Variants in NEMP1 observed in about 807,000 individuals in gnomAD.
NEMP1 encodes nuclear envelope integral membrane protein 1.
A neutral mutation model predicts 53.7 loss-of-function variants in NEMP1; 29 were observed. The observed-to-expected ratio is 0.54, with a 90% confidence interval of 0.40 to 0.74. The LOEUF is 0.74. Ranked by LOEUF, NEMP1 falls within the 30% of genes least tolerant of loss-of-function variation. NEMP1 has a pLI of 0.00. For synonymous variants in NEMP1, 193 were observed against 192.9 expected, an observed-to-expected ratio of 1.00 and a Z score of 0.00; for missense variants, 477 against 528.6, an observed-to-expected ratio of 0.90 and a Z score of 0.96.
At position 57,078,679 on chromosome 12, in the gene NEMP1, C is replaced by A; in HGVS notation, c.67G>T (p.Gly23Trp). The A allele has an allele frequency of 1.2e-6, 2 of 1,613,646 alleles. No individual in the cohort carries two copies. Among genetic ancestry groups the A allele is most frequent in the Non-Finnish European group, 1.7e-6 (2 of 1,179,794 alleles). Residue 23 changes from glycine (G) to tryptophan (W), a missense_variant, in exon 1 of 9, where the codon GGG becomes TGG. Gly to Trp is a radical substitution (Grantham distance 184, BLOSUM62 -2). Transcript: ENST00000300128. ...VGPGPWGSGVGGGGTVRLLLI... is the reference protein window; with the variant it reads ...VGPGPWGSGVWGGGTVRLLLI... ...AGTAGCCGCACTGTCCCACCGCCCC[C>A]GACTCCCGAGCCCCAGGGCCCGGGA...
upstream of NEMP1, among the ~76,000 whole-genome samples, chr12:57,080,511 G>T (rs999962806): frequency 2.0e-5 from 3 of 151,066 alleles, no homozygotes; most frequent in Middle Eastern, 3.4e-3. Context: ...CCCAGGAGGC[G>T]GAGGCTGCAG....
At position 57,069,261 on chromosome 12, in the gene NEMP1, A is replaced by T. The variant is rs1258837506; in HGVS notation, c.518T>A (p.Leu173Gln). The T allele has an allele frequency of 6.5e-7, 1 of 1,547,464 alleles. No homozygotes were observed. The highest frequency in any genetic ancestry group is 1.2e-5 in the South Asian group (1 of 82,804). Reference protein sequence around the residue: ...LFLVFLLGLMLFFCGDLLSRS... With the variant: ...LFLVFLLGLMQFFCGDLLSRS... ...GCTCAGCAAGTCTCCACAAAAAAAT[A>T]GCATAAGTCCAAGAAGGAAAACAAG... Residue 173 changes from leucine (L) to glutamine (Q), a missense_variant, in exon 4 of 9, where the codon CTA (leucine) becomes CAA (glutamine). Coordinates refer to ENST00000300128, the MANE Select transcript of NEMP1 (RefSeq NM_001130963.2).
intron 1 of NEMP1, among the ~76,000 whole-genome samples, chr12:57,085,405 G>A (rs1481812784): frequency 6.6e-6 from 1 of 151,908 alleles, no homozygotes; most frequent in East Asian, 1.9e-4. Flanking sequence ...CTAAACCAAG[G>A]CCCCTCACAA....
chr12:57,073,976 AT>A (rs371901050), intron 1 of NEMP1, among the ~76,000 whole-genome samples: 6 of 148,516 alleles, frequency 4.0e-5, no homozygotes, highest in Admixed American at 6.7e-5. Context: ...TTATTTTTTT[AT>A]TTTTTTTTTG....
intron 1 of NEMP1, among the ~76,000 whole-genome samples, chr12:57,076,902 T>A (rs1433451765): frequency 7.3e-6 from 1 of 136,458 alleles, no homozygotes; most frequent in South Asian, 2.6e-4. Flanking sequence ...GGAACCGAGA[T>A]TGCACCACTG....
At chr12:57,060,493 A>C (rs2031746484) in intron 8 of NEMP1, among the ~76,000 whole-genome samples, 1 of 152,190 alleles carries the variant, frequency 6.6e-6, no homozygotes, top group African/African-American at 2.4e-5. Flanking sequence ...GGGGAACCCT[A>C]CCAACTCAGA....
Position 57,064,733 on chromosome 12 carries a change from T to A in NEMP1, c.552A>T (p.Gln184His), listed in dbSNP as rs2031989758. The A allele has an allele frequency of 1.9e-6, 3 of 1,611,310 alleles. No individual in the cohort carries two copies. In the African/African-American group the frequency reaches 4.0e-5, roughly 22 times the overall value. The change falls in exon 5 of 9, where the codon CAA (glutamine) becomes CAT (histidine). Residue 184 changes from glutamine to histidine, a missense_variant. Physicochemically the swap from Gln to His is conservative, Grantham distance 24. Coordinates refer to ENST00000300128, the MANE Select transcript of NEMP1 (RefSeq NM_001130963.2). ...TCATCCCAGTAGAGTAGTAGAAAAT[T>A]TGACTTCTGCAGGAAAAAAATGTAT... The part of the protein sequence containing the change: ...FFCGDLLSRS[Q>H]IFYYSTGMTV...
intron 6 of NEMP1, 33 bp downstream of exon 6, chr12:57,064,038 G>T: frequency 1.5e-6 from 2 of 1,346,120 alleles, no homozygotes; most frequent in Non-Finnish European, 2.1e-6. Context: ...GCCTATAAAC[G>T]TACAAAAGGA....
chr12:57,079,688 C>G (rs141079561), upstream of NEMP1, among the ~76,000 whole-genome samples: 22 of 152,210 alleles, frequency 1.4e-4, no homozygotes, highest in East Asian at 3.7e-3. Context: ...AGGAAAACTA[C>G]AGATGATAGA....
At chr12:57,067,278 C>T (rs964043162) in intron 4 of NEMP1, among the ~76,000 whole-genome samples, 7 of 151,326 alleles carry the variant, frequency 4.6e-5, no homozygotes, top group Non-Finnish European at 8.8e-5. Context: ...GAGCCGAGAT[C>T]GCGTCACTAC....
chr12:57,087,072 C>T lies in NEMP1; in HGVS notation n.113+879G>A, dbSNP rs539216227. ...TAGGGGAGTGGGCAGGCCCCTTCTG[C>T]GGAATTTCTCTTCCCTCGTCCCTCT... On this transcript the variant is annotated intron_variant and non_coding_transcript_variant, in intron 1 of 2. Coordinates refer to the NEMP1 transcript ENST00000553654. Among the ~76,000 whole-genome samples, 6 of 152,308 alleles carry T rather than the reference C, an allele frequency of 3.9e-5. 1 individual carries two copies. In the South Asian group the frequency reaches 1.2e-3, roughly 32 times the overall value.
At chr12:57,084,553 T>C (rs1005559057) in intron 1 of NEMP1, among the ~76,000 whole-genome samples, 1 of 152,226 alleles carries the variant, frequency 6.6e-6, no homozygotes, top group South Asian at 2.1e-4. Flanking sequence ...CTTCAGTATT[T>C]TTCAAGCTGA....
At chr12:57,071,794 C>T (rs1366364744) in intron 2 of NEMP1, among the ~76,000 whole-genome samples, 2 of 151,400 alleles carry the variant, frequency 1.3e-5, no homozygotes, top group Non-Finnish European at 2.9e-5. Context: ...CACTGCACTC[C>T]AGCCTGGGTG....
intron 4 of NEMP1, among the ~76,000 whole-genome samples, chr12:57,067,197 G>A (rs905855606): frequency 6.6e-6 from 1 of 152,070 alleles, no homozygotes; most frequent in Non-Finnish European, 1.5e-5. Flanking sequence ...GGTGGCAGGT[G>A]CCTGTAGTCC....
At position 57,070,842 on chromosome 12, in the gene NEMP1, C is replaced by T; in HGVS notation, c.304G>A (p.Glu102Lys). 6.2e-7 allele frequency: 1 copy of T among 1,614,172 alleles called. No homozygotes were observed. The highest frequency in any genetic ancestry group is 8.5e-7 in the Non-Finnish European group (1 of 1,180,030). ...AACTGCTCTAGCTCCTTCAGTTTCT[C>T]CTCATTCTCCACCTGGGTGACTCGA... is the stretch of plus-strand genomic sequence containing the variant. ...LVRVTQVENE[E>K]KLKELEQFSI... is the part of the protein sequence containing the mutation. Residue 102 changes from glutamate to lysine, a missense_variant, in exon 3 of 9, where the codon GAG (glutamate) becomes AAG (lysine). Glu to Lys is a moderately conservative substitution (Grantham distance 56, BLOSUM62 1). Transcript: ENST00000300128.
chr12:57,066,084 C>T lies in NEMP1; in HGVS notation c.546-1345G>A, dbSNP rs891958075. 7.2e-5 allele frequency among the ~76,000 whole-genome samples: 11 copies of T among 151,964 alleles called. 1 individual carries two copies. The highest frequency in any genetic ancestry group is 1.6e-4 in the Non-Finnish European group (11 of 68,004). ...CCTGGTTAACACGGTGAAACCCTGTCTCTACTAAAAATACAAAAAAATTAG... is the reference window on the plus strand; with the variant it reads ...CCTGGTTAACACGGTGAAACCCTGTTTCTACTAAAAATACAAAAAAATTAG... On this transcript the variant is annotated intron_variant, in intron 4 of 8. Coordinates refer to ENST00000300128, the MANE Select transcript of NEMP1 (RefSeq NM_001130963.2).
intron 6 of NEMP1, 60 bp from the exon 7 acceptor site, chr12:57,063,404 T>C (rs2031918585): frequency 6.3e-6 from 9 of 1,421,580 alleles, no homozygotes; most frequent in Non-Finnish European, 8.9e-6. Context: ...AAATAATTTG[T>C]GTGGGAAGCA....
intron 4 of NEMP1, among the ~76,000 whole-genome samples, chr12:57,068,082 A>G (rs1408364668): frequency 6.6e-6 from 1 of 151,686 alleles, no homozygotes; most frequent in East Asian, 1.9e-4. Flanking sequence ...CCCATTCCAG[A>G]TTTTTTCTAC....
intron 1 of NEMP1, among the ~76,000 whole-genome samples, chr12:57,076,079 C>T (rs1442005203): frequency 6.6e-6 from 1 of 151,966 alleles, no homozygotes; most frequent in Non-Finnish European, 1.5e-5. Context: ...CAGAGCAAGA[C>T]TCCATCTCAA....
Sources: allele counts gnomAD v4.1 joint callset (sites outside exome capture counted in the v4.1 genomes callset), GRCh38; gene constraint gnomAD v4.1.1; transcripts MANE v1.5; gene names NCBI Gene and HGNC (gene_info 2026-07-23, HGNC 2026-07-21).